SPPL3: variants seen among roughly 807,000 people sequenced by gnomAD.
The protein encoded by SPPL3 is signal peptide peptidase-like 3.
A neutral mutation model predicts 42.4 loss-of-function variants in SPPL3; 5 were observed. That is an observed-to-expected ratio of 0.12 (90% CI 0.06 to 0.25). SPPL3 has a LOEUF of 0.25. Ranked by LOEUF, SPPL3 falls within the 10% of genes least tolerant of loss-of-function variation. The pLI is 1.00. For missense variants in SPPL3, 235 were observed against 489.0 expected, an observed-to-expected ratio of 0.48 and a Z score of 4.90; for synonymous variants, 195 against 181.8, an observed-to-expected ratio of 1.07 and a Z score of -0.58.
At chr12:120,852,778 A>T (rs1434732105) in intron 1 of SPPL3, among the ~76,000 whole-genome samples, 1 of 139,452 alleles carries the variant, frequency 7.2e-6, no homozygotes, top group East Asian at 2.0e-4. Context: ...ATTATATATA[A>T]AATATATTTC....
At chr12:120,896,401 G>C (rs1440453873) in intron 1 of SPPL3, among the ~76,000 whole-genome samples, 1 of 152,136 alleles carries the variant, frequency 6.6e-6, no homozygotes, top group African/African-American at 2.4e-5. Flanking sequence ...GAGCCCCTCT[G>C]AGCACCTCAG....
intron 2 of SPPL3, among the ~76,000 whole-genome samples, chr12:120,799,005 G>A (rs1245966025): frequency 6.6e-6 from 1 of 152,156 alleles, no homozygotes; most frequent in Non-Finnish European, 1.5e-5. Flanking sequence ...TATTAGTTGA[G>A]AACTATTTAT....
At chr12:120,903,130 A>G (rs939473367) in intron 1 of SPPL3, among the ~76,000 whole-genome samples, 1 of 152,160 alleles carries the variant, frequency 6.6e-6, no homozygotes, top group East Asian at 1.9e-4. Flanking sequence ...CTCTGAAAAT[A>G]ATAGTACCAA....
chr12:120,874,245 G>A (rs1475939538), intron 1 of SPPL3, among the ~76,000 whole-genome samples: 1 of 152,016 alleles, frequency 6.6e-6, no homozygotes, highest in African/African-American at 2.4e-5. Context: ...CTGAGGCCAG[G>A]AGATCGAGAC....
At chr12:120,901,946 C>T (rs943028191) in intron 1 of SPPL3, 2 of 985,282 alleles carry the variant, frequency 2.0e-6, no homozygotes, top group African/African-American at 3.5e-5. Flanking sequence ...CCATCCAGGG[C>T]CTCTGTACAG....
chr12:120,888,606 G>A (rs995868139), intron 1 of SPPL3, among the ~76,000 whole-genome samples: 8 of 152,162 alleles, frequency 5.3e-5, no homozygotes, highest in Non-Finnish European at 1.2e-4. Flanking sequence ...GAACAAATCC[G>A]TAGAGGCCAA....
intron 1 of SPPL3, among the ~76,000 whole-genome samples, chr12:120,884,081 A>G (rs1873372745): frequency 6.9e-6 from 1 of 145,214 alleles, no homozygotes; most frequent in African/African-American, 2.6e-5. Context: ...AGCGTGGGCA[A>G]CAACAGCGAA....
intron 1 of SPPL3, among the ~76,000 whole-genome samples, chr12:120,885,869 T>C (rs1467110704): frequency 1.6e-5 from 2 of 121,228 alleles, no homozygotes; most frequent in Non-Finnish European, 3.6e-5. Flanking sequence ...TTTTTTTTTT[T>C]TTGAGACAGA....
At chr12:120,779,052 T>C (rs192363909) in intron 6 of SPPL3, among the ~76,000 whole-genome samples, 37 of 152,316 alleles carry the variant, frequency 2.4e-4, no homozygotes, top group Non-Finnish European at 4.4e-4. Context: ...TGTTACCATA[T>C]TGCAGCCTGG....
At position 120,763,888 on chromosome 12, in the gene SPPL3, A is replaced by G. The variant is rs982020173; in HGVS notation, c.*1111T>C. On this transcript the variant is annotated 3_prime_UTR_variant, in exon 11 of 11. Coordinates refer to ENST00000353487, the MANE Select transcript of SPPL3 (RefSeq NM_139015.5). ...AACAAAATGTCAAAAAAAAAAATACAAAAAAATAGAAAATAGAAAAATGTA... is the reference window on the plus strand; with the variant it reads ...AACAAAATGTCAAAAAAAAAAATACGAAAAAATAGAAAATAGAAAAATGTA... 6.6e-6 allele frequency: 1 copy of G among 151,900 alleles called. No individual in the cohort carries two copies. Among genetic ancestry groups the G allele is most frequent in the Non-Finnish European group, 1.5e-5 (1 of 67,900 alleles). The allele number at this position is 151,900 out of a possible 1,614,324, so 9.4% of individuals were successfully genotyped here. A position where few individuals can be genotyped will look rare whatever the true frequency, so the allele number is the denominator to read the frequency against.
At chr12:120,878,218 C>CA (rs1873172892) in intron 1 of SPPL3, among the ~76,000 whole-genome samples, 1 of 150,600 alleles carries the variant, frequency 6.6e-6, no homozygotes, top group Non-Finnish European at 1.5e-5. Flanking sequence ...AAACAAAAAA[C>CA]AAAAAACAAA....
chr12:120,901,833 T>C (rs918729332), intron 1 of SPPL3: 3 of 926,552 alleles, frequency 3.2e-6, no homozygotes, highest in South Asian at 5.0e-5. Context: ...CCCTCCTTAA[T>C]AGAGCCAACT....
At chr12:120,774,292 A>C (rs1333736990) in intron 6 of SPPL3, among the ~76,000 whole-genome samples, 2 of 151,898 alleles carry the variant, frequency 1.3e-5, no homozygotes, top group Admixed American at 6.6e-5. Flanking sequence ...ACTCTTTCCC[A>C]TGTACTGTTC....
At chr12:120,820,783 A>T (rs1871041853) in intron 1 of SPPL3, among the ~76,000 whole-genome samples, 1 of 152,150 alleles carries the variant, frequency 6.6e-6, no homozygotes, top group African/African-American at 2.4e-5. Context: ...CGTGCAAGGT[A>T]CAAGTAGTAA....
At chr12:120,786,283 G>A (rs1433264564) in intron 3 of SPPL3, among the ~76,000 whole-genome samples, 1 of 152,192 alleles carries the variant, frequency 6.6e-6, no homozygotes, top group Non-Finnish European at 1.5e-5. Context: ...GTATCCATTA[G>A]ACAAAACTCT....
At chr12:120,867,393 G>A (rs972414553) in intron 1 of SPPL3, among the ~76,000 whole-genome samples, 41 of 152,116 alleles carry the variant, frequency 2.7e-4, no homozygotes, top group African/African-American at 8.9e-4. Flanking sequence ...GTAGCTGGGC[G>A]CGGTGGCTCA....
intron 1 of SPPL3, among the ~76,000 whole-genome samples, chr12:120,886,888 T>C (rs1415522389): frequency 1.3e-5 from 2 of 152,206 alleles, no homozygotes; most frequent in Admixed American, 6.6e-5. Context: ...ACTTGAAATG[T>C]GGCTAGTCTG....
intron 8 of SPPL3, 91 bp from the exon 9 acceptor site, chr12:120,767,684 C>CAA: frequency 7.7e-7 from 1 of 1,301,334 alleles, no homozygotes; most frequent in Non-Finnish European, 1.1e-6. Flanking sequence ...TTTAAGGAGT[C>CAA]AAAGAGCTTA....
chr12:120,780,032 G>A (rs1052907281), intron 6 of SPPL3, among the ~76,000 whole-genome samples: 2 of 150,290 alleles, frequency 1.3e-5, no homozygotes, highest in African/African-American at 2.4e-5. Flanking sequence ...AGAATGATAC[G>A]GTTTAAAAGA....
Sources: allele counts gnomAD v4.1 joint callset (sites outside exome capture counted in the v4.1 genomes callset), GRCh38; gene constraint gnomAD v4.1.1; transcripts MANE v1.5; gene names NCBI Gene and HGNC (gene_info 2026-07-23, HGNC 2026-07-21).